The following EPHA5 variants were observed in gnomAD, a reference collection of about 807,000 sequenced individuals.
EPHA5 encodes EPH receptor A5, also known as ephrin type-A receptor 5.
EPHA5 carries 60 observed loss-of-function variants against 105.0 expected under a neutral mutation model. That is an observed-to-expected ratio of 0.57 (90% CI 0.46 to 0.71). EPHA5 has a LOEUF of 0.71. EPHA5 is among the 30% of genes least tolerant of loss of function. The probability of loss-of-function intolerance (pLI) is 0.00; values close to 1 mark genes in which losing one functional copy is unlikely to be tolerated. For missense variants in EPHA5, 1,218 were observed against 1,274.7 expected, an observed-to-expected ratio of 0.96 and a Z score of 0.68; for synonymous variants, 513 against 449.1, an observed-to-expected ratio of 1.14 and a Z score of -1.80.
chr4:65,424,561 C>G (rs779618376), intron 5 of EPHA5, among the ~76,000 whole-genome samples: 12 of 151,930 alleles, frequency 7.9e-5, no homozygotes, highest in Admixed American at 2.0e-4. Context: ...GTAATAATAT[C>G]GGTTGTAAAA....
At chr4:65,588,010 TA>T (rs1209619269) in intron 3 of EPHA5, among the ~76,000 whole-genome samples, 1 of 152,272 alleles carries the variant, frequency 6.6e-6, no homozygotes, top group East Asian at 1.9e-4. Context: ...GAACATATAG[TA>T]AAAAGGTACA....
chr4:65,377,155 C>T, intron 8 of EPHA5: 1 of 1,228,764 alleles, frequency 8.1e-7, no homozygotes, highest in East Asian at 2.7e-5. Context: ...CAGGTGTCTG[C>T]TTTCCTTTTC....
Position 65,574,360 on chromosome 4 carries a change from A to G in EPHA5, c.910+27281T>C, listed in dbSNP as rs879056128. ...TAAGAACCTAATTAAATAGCTGACT[A>G]CAAAAAAAAAATAATAATAATAAAA... On this transcript the variant is annotated intron_variant, in intron 3 of 16. Coordinates refer to ENST00000613740, the MANE Select transcript of EPHA5 (RefSeq NM_001281766.3). 3.0e-6 allele frequency: 3 copies of G among 1,015,998 alleles called. No homozygotes were observed. The Admixed American group carries it at 9.3e-5, about 31-fold the overall frequency. The allele number at this position is 1,015,998 out of a possible 1,614,324, so 62.9% of individuals were successfully genotyped here. A position where few individuals can be genotyped will look rare whatever the true frequency, so the allele number is the denominator to read the frequency against.
chr4:65,415,506 C>A (rs1016365828), intron 6 of EPHA5, among the ~76,000 whole-genome samples: 1 of 151,852 alleles, frequency 6.6e-6, no homozygotes, highest in Non-Finnish European at 1.5e-5. Context: ...ATTTACCATT[C>A]CTTTTGTAAT....
intron 3 of EPHA5, among the ~76,000 whole-genome samples, chr4:65,570,789 A>G (rs1689005534): frequency 6.6e-6 from 1 of 152,028 alleles, no homozygotes; most frequent in South Asian, 2.1e-4. Flanking sequence ...GTCTGTGACT[A>G]TACAATAGTT....
chr4:65,634,664 T>C (rs1424613453), intron 2 of EPHA5, among the ~76,000 whole-genome samples: 1 of 152,076 alleles, frequency 6.6e-6, no homozygotes, highest in Non-Finnish European at 1.5e-5. Flanking sequence ...ATTTGCATTA[T>C]ATATTATAAT....
intron 5 of EPHA5, among the ~76,000 whole-genome samples, chr4:65,481,725 A>C (rs1176502002): frequency 1.3e-5 from 2 of 152,174 alleles, no homozygotes; most frequent in Non-Finnish European, 2.9e-5. Context: ...GCATGGGGGA[A>C]TATGTGTGAA....
intron 3 of EPHA5, among the ~76,000 whole-genome samples, chr4:65,525,931 T>C (rs80041543): frequency 6.6e-6 from 1 of 151,964 alleles, no homozygotes; most frequent in East Asian, 1.9e-4. Context: ...TATAAAGAGA[T>C]GAACATTTCC....
intron 7 of EPHA5, among the ~76,000 whole-genome samples, chr4:65,411,423 G>A (rs2149010048): frequency 6.6e-6 from 1 of 152,128 alleles, no homozygotes; most frequent in South Asian, 2.1e-4. Flanking sequence ...AAGTGTCAAT[G>A]TTTCATTATT....
At chr4:65,541,810 G>A (rs1255053064) in intron 3 of EPHA5, among the ~76,000 whole-genome samples, 1 of 151,802 alleles carries the variant, frequency 6.6e-6, no homozygotes, top group Non-Finnish European at 1.5e-5. Flanking sequence ...AGTGCCACAT[G>A]GCACTTATTT....
chr4:65,456,940 C>T (rs1727657618), intron 5 of EPHA5, among the ~76,000 whole-genome samples: 1 of 151,990 alleles, frequency 6.6e-6, no homozygotes, highest in Admixed American at 6.6e-5. Flanking sequence ...TATTTGCTAT[C>T]TCATTGTAGC....
At chr4:65,632,786 T>G (rs963680390) in intron 2 of EPHA5, among the ~76,000 whole-genome samples, 2 of 152,060 alleles carry the variant, frequency 1.3e-5, no homozygotes. Context: ...GCTATATTGA[T>G]TCATCCAAAG....
At chr4:65,664,433 C>A (rs984858996) in intron 1 of EPHA5, among the ~76,000 whole-genome samples, 3 of 151,750 alleles carry the variant, frequency 2.0e-5, no homozygotes, top group African/African-American at 7.3e-5. Flanking sequence ...AAAAAATGAA[C>A]CCATTTTAAT....
intron 8 of EPHA5, among the ~76,000 whole-genome samples, chr4:65,376,445 T>A (rs1207783878): frequency 2.0e-5 from 3 of 152,024 alleles, no homozygotes; most frequent in African/African-American, 7.2e-5. Context: ...TATTTTCTAC[T>A]TCATTGGCAT....
chr4:65,337,604 C>G (rs1355492256), intron 14 of EPHA5, among the ~76,000 whole-genome samples: 1 of 152,060 alleles, frequency 6.6e-6, no homozygotes, highest in East Asian at 1.9e-4. Flanking sequence ...ATGGTAATTT[C>G]TGTTAACTTT....
intron 3 of EPHA5, among the ~76,000 whole-genome samples, chr4:65,527,625 CATA>C (rs1735363695): frequency 1.3e-5 from 2 of 152,026 alleles, no homozygotes; most frequent in South Asian, 2.1e-4. Context: ...AAAATCTGAG[CATA>C]ATAACTGCCG....
chr4:65,601,074 T>C (rs1374215648), intron 3 of EPHA5, among the ~76,000 whole-genome samples: 1 of 152,214 alleles, frequency 6.6e-6, no homozygotes, highest in Non-Finnish European at 1.5e-5. Context: ...AAAATATCTG[T>C]AATTTTTAAA....
intron 3 of EPHA5, among the ~76,000 whole-genome samples, chr4:65,503,424 C>T (rs1298239551): frequency 6.6e-6 from 1 of 151,624 alleles, no homozygotes; most frequent in Non-Finnish European, 1.5e-5. Flanking sequence ...GGAAATAGGT[C>T]CTACTTGAGA....
chr4:65,323,542 C>G lies in EPHA5; in HGVS notation c.*572G>C, dbSNP rs7688795. On this transcript the variant is annotated 3_prime_UTR_variant, in exon 17 of 17. Transcript: ENST00000613740. The stretch of plus-strand genomic sequence containing the variant: ...ACCCTGTATTGTACTTTTTCTTGAT[C>G]AAGCAACATGTTTACACACTAGTTT... 191,762 of 229,908 alleles carry G rather than the reference C, an allele frequency of 0.83. 81,446 individuals carry two copies. The highest frequency in any genetic ancestry group is 0.98 in the East Asian group (15,927 of 16,276). The allele number at this position is 229,908 out of a possible 1,614,324, so 14.2% of individuals were successfully genotyped here.
Sources: gnomAD v4.1 joint callset for allele counts (sites outside exome capture counted in the v4.1 genomes callset) on GRCh38, gnomAD v4.1.1 for gene constraint, MANE v1.5 for transcripts, NCBI Gene and HGNC (gene_info 2026-07-23, HGNC 2026-07-21) for gene names.